The following CARF variants were observed in gnomAD, a reference collection of about 807,000 sequenced individuals.
CARF encodes calcium-responsive transcription factor.
In CARF, 57 loss-of-function variants were observed where a neutral mutation model predicts 82.0. That is an observed-to-expected ratio of 0.70 (90% CI 0.56 to 0.87). The LOEUF is 0.87. Among genes scored for constraint, CARF ranks in the 40% least tolerant of loss-of-function variants. CARF has a pLI of 0.00. For missense variants in CARF, 771 were observed against 855.8 expected, an observed-to-expected ratio of 0.90 and a Z score of 1.24; for synonymous variants, 268 against 290.1, an observed-to-expected ratio of 0.92 and a Z score of 0.77.
intron 3 of CARF, 101 bp from the exon 4 acceptor site, chr2:202,941,759 T>C (rs2058239827): frequency 3.7e-6 from 2 of 540,826 alleles, no homozygotes; most frequent in Admixed American, 6.5e-5. Flanking sequence ...ACCTAAATTA[T>C]ATAGGGTACC....
At chr2:202,969,774 A>G (rs1022718943) in intron 10 of CARF, 145 bp from the exon 11 acceptor site, 11 of 469,138 alleles carry the variant, frequency 2.3e-5, no homozygotes, top group South Asian at 1.1e-4. Flanking sequence ...AATATGGCAT[A>G]TATTTTACAT....
At chr2:202,950,467 C>T (rs2058704542) in intron 5 of CARF, among the ~76,000 whole-genome samples, 1 of 152,020 alleles carries the variant, frequency 6.6e-6, no homozygotes, top group Non-Finnish European at 1.5e-5. Flanking sequence ...GATATTTAAT[C>T]TTATTATAAG....
chr2:202,969,457 C>T (rs2059688006), intron 10 of CARF, among the ~76,000 whole-genome samples: 1 of 152,052 alleles, frequency 6.6e-6, no homozygotes, highest in Non-Finnish European at 1.5e-5. Context: ...TGCCTGTAAT[C>T]CCAGCTACTT....
At chr2:202,914,670 T>TG (rs2105925938) in intron 1 of CARF, among the ~76,000 whole-genome samples, 1 of 149,550 alleles carries the variant, frequency 6.7e-6, no homozygotes, top group East Asian at 2.0e-4. Context: ...TCCGAGCTAC[T>TG]GGGGAGGCTG....
chr2:202,947,159 A>G (rs2058535430), intron 5 of CARF, among the ~76,000 whole-genome samples: 2 of 152,248 alleles, frequency 1.3e-5, no homozygotes, highest in Non-Finnish European at 2.9e-5. Flanking sequence ...TCATTCTTCT[A>G]TAAAGACACA....
chr2:202,969,604 AATAAATAAAT>A (rs905053415), intron 10 of CARF, among the ~76,000 whole-genome samples: 2 of 151,584 alleles, frequency 1.3e-5, no homozygotes, highest in African/African-American at 4.8e-5. Flanking sequence ...TAAATAAATA[AATAAATAAAT>A]AAATAAGTAA....
At chr2:202,923,510 G>C (rs1243610482) in intron 2 of CARF, among the ~76,000 whole-genome samples, 1 of 152,154 alleles carries the variant, frequency 6.6e-6, no homozygotes, top group Non-Finnish European at 1.5e-5. Flanking sequence ...CCATGTTCAT[G>C]GATGGGTAGA....
chr2:202,969,833 T>G (rs905486401), intron 10 of CARF, 86 bp from the exon 11 acceptor site: 2 of 859,860 alleles, frequency 2.3e-6, no homozygotes, highest in Admixed American at 7.3e-5. Flanking sequence ...TAAGCTTAAA[T>G]GCTTAAAGTA....
rs1016347376 is a variant in CARF, at chr2:202,917,966, C to T, written c.-240C>T. ...TTAGTGCCCCCAAAAGGAAGAACTT[C>T]AGTGGACAAGAAAGGACATTTCTGG... is the stretch of plus-strand genomic sequence containing the variant. On this transcript the variant is annotated 5_prime_UTR_variant, in exon 2 of 17. Transcript: ENST00000438828. 6 of 425,452 alleles carry T rather than the reference C, an allele frequency of 1.4e-5. No individual in the cohort carries two copies. Among genetic ancestry groups the T allele is most frequent in the South Asian group, 8.8e-5 (5 of 56,924 alleles). The allele number at this position is 425,452 out of a possible 1,614,324, so 26.4% of individuals were successfully genotyped here.
intron 9 of CARF, among the ~76,000 whole-genome samples, chr2:202,965,293 G>A (rs1039490016): frequency 1.3e-5 from 2 of 152,056 alleles, no homozygotes; most frequent in African/African-American, 4.8e-5. Flanking sequence ...TCGGTGTGCT[G>A]TGTACTTATT....
chr2:202,914,457 A>T (rs921895260), intron 1 of CARF, among the ~76,000 whole-genome samples: 1 of 152,162 alleles, frequency 6.6e-6, no homozygotes, highest in African/African-American at 2.4e-5. Flanking sequence ...AAACAGAGAC[A>T]AGAAGATCTA....
intron 3 of CARF, among the ~76,000 whole-genome samples, chr2:202,940,007 C>T (rs1230614277): frequency 1.3e-5 from 2 of 151,532 alleles, no homozygotes; most frequent in Non-Finnish European, 2.9e-5. Flanking sequence ...CTAGTTTCAG[C>T]AGTTTTTCAT....
intron 1 of CARF, among the ~76,000 whole-genome samples, chr2:202,914,447 A>G (rs1689212567): frequency 6.6e-6 from 1 of 152,122 alleles, no homozygotes. Flanking sequence ...TCTTATCTAC[A>G]AACAGAGACA....
At chr2:202,922,541 G>A (rs926425971) in intron 2 of CARF, among the ~76,000 whole-genome samples, 6 of 152,170 alleles carry the variant, frequency 3.9e-5, no homozygotes, top group Non-Finnish European at 8.8e-5. Flanking sequence ...TATGCCTCAC[G>A]CCTATAATCC....
At position 202,982,051 on chromosome 2, in the gene CARF, G is replaced by A. The variant is rs376474919; in HGVS notation, c.1690-21G>A. On this transcript the variant is annotated intron_variant, in intron 15 of 16. Transcript: ENST00000438828. The stretch of plus-strand genomic sequence containing the variant: ...ACATAGGAAATTCAAACATTTTGAT[G>A]TACTCTTTTTGGTTTAAAAGGGTTT... 71 of 1,602,308 alleles carry A rather than the reference G, an allele frequency of 4.4e-5. No homozygotes were observed. In the African/African-American group the frequency reaches 8.2e-4, roughly 19 times the overall value.
intron 12 of CARF, 28 bp from the exon 13 acceptor site, chr2:202,974,306 T>C: frequency 2.0e-6 from 3 of 1,535,902 alleles, no homozygotes; most frequent in Non-Finnish European, 2.6e-6. Flanking sequence ...ATGGTTTATG[T>C]CTTTATTCCA....
At chr2:202,928,843 G>A (rs543965702) in intron 3 of CARF, among the ~76,000 whole-genome samples, 14 of 152,076 alleles carry the variant, frequency 9.2e-5, no homozygotes, top group Admixed American at 5.2e-4. Flanking sequence ...TCAGTCTCCC[G>A]GGCTTAGGTG....
intron 5 of CARF, among the ~76,000 whole-genome samples, chr2:202,947,298 A>G (rs1448874818): frequency 6.6e-6 from 1 of 152,200 alleles, no homozygotes; most frequent in Non-Finnish European, 1.5e-5. Flanking sequence ...ATGTAGCCAT[A>G]AAAAAGAATG....
Position 202,942,729 on chromosome 2 carries a change from C to A in CARF, c.79-11C>A. The A allele has an allele frequency of 6.6e-7, 1 of 1,521,102 alleles. No homozygotes were observed. Among genetic ancestry groups the A allele is most frequent in the South Asian group, 1.3e-5 (1 of 79,312 alleles). 94.2% of individuals were successfully genotyped at this position (1,521,102 alleles called of 1,614,324 possible). Reference sequence around the variant, plus strand: ...GATAGACTGAAGTGATTTTTTTTTTCCTTACAAAAGCATCTAATCTGTATG... The same window carrying A: ...GATAGACTGAAGTGATTTTTTTTTTACTTACAAAAGCATCTAATCTGTATG... On this transcript the variant is annotated splice_polypyrimidine_tract_variant and intron_variant, in intron 4 of 16. Coordinates refer to ENST00000438828, the MANE Select transcript of CARF (RefSeq NM_024744.17).
Sources: gnomAD v4.1 joint callset for allele counts (sites outside exome capture counted in the v4.1 genomes callset) on GRCh38, gnomAD v4.1.1 for gene constraint, MANE v1.5 for transcripts, NCBI Gene and HGNC (gene_info 2026-07-23, HGNC 2026-07-21) for gene names.